TEX36: variants seen among roughly 807,000 people sequenced by gnomAD.
TEX36 encodes the protein testis expressed 36.
TEX36 carries 12 observed loss-of-function variants against 13.6 expected under a neutral mutation model. The ratio of observed to expected loss-of-function variants is 0.88; its 90% CI spans 0.56 to 1.43. The LOEUF (loss-of-function observed/expected upper bound fraction) is 1.43, where lower values mean the gene tolerates loss of function less well. Among genes scored for constraint, TEX36 ranks in the 40% most tolerant of loss-of-function variants. TEX36 has a pLI of 0.00. For synonymous variants in TEX36, 93 were observed against 83.0 expected, an observed-to-expected ratio of 1.12 and a Z score of -0.65; for missense variants, 224 against 228.3, an observed-to-expected ratio of 0.98 and a Z score of 0.12.
At chr10:125,587,495 A>T (rs999064817) in intron 3 of TEX36, among the ~76,000 whole-genome samples, 4 of 152,196 alleles carry the variant, frequency 2.6e-5, no homozygotes, top group African/African-American at 9.7e-5. Context: ...TACCTTAGAG[A>T]CACTTTATAC....
At chr10:125,669,498 T>A (rs1847186474) in intron 1 of TEX36, among the ~76,000 whole-genome samples, 1 of 151,474 alleles carries the variant, frequency 6.6e-6, no homozygotes, top group South Asian at 2.1e-4. Flanking sequence ...AAAAGAAAAA[T>A]TCCTCGGCTT....
intron 3 of TEX36, among the ~76,000 whole-genome samples, chr10:125,643,745 CA>C (rs771307242): frequency 0.02 from 2,472 of 126,688 alleles, 39 homozygotes; most frequent in African/African-American, 0.056. Context: ...GACTCTGTCT[CA>C]AAAAAAAAAA....
In TEX36 at chr10:125,682,951, C is replaced by T; in HGVS notation, c.39G>A (p.Lys13=). 1 of 1,551,774 alleles carries T rather than the reference C, an allele frequency of 6.4e-7. No individual in the cohort carries two copies. The highest frequency in any genetic ancestry group is 8.7e-7 in the Non-Finnish European group (1 of 1,147,008). Residue 13 remains lysine (K), a synonymous_variant, in exon 1 of 4, where the codon AAG becomes AAA. Coordinates refer to ENST00000368821, the MANE Select transcript of TEX36 (RefSeq NM_001128202.3). ...CCATCTTCCTTACCCATCTCCCATC[C>T]TTGTCTGAAGGTGGGTTGAAGCGTC... ...KGRRFNPPSD[K]DGRWFPHIGL...
intron 1 of TEX36, among the ~76,000 whole-genome samples, chr10:125,676,121 G>A (rs949062689): frequency 2.0e-5 from 3 of 152,230 alleles, no homozygotes; most frequent in African/African-American, 7.2e-5. Flanking sequence ...GTAAATGTCT[G>A]TTGGGTCCAT....
At chr10:125,655,087 T>TA (rs954583401), downstream of TEX36, among the ~76,000 whole-genome samples, 38 of 152,200 alleles carry the variant, frequency 2.5e-4, no homozygotes, top group African/African-American at 8.0e-4. Flanking sequence ...AGCGATTTTT[T>TA]AAAAAATCAG....
downstream of TEX36, among the ~76,000 whole-genome samples, chr10:125,651,679 T>C (rs1323768028): frequency 6.6e-6 from 1 of 152,148 alleles, no homozygotes; most frequent in Non-Finnish European, 1.5e-5. Flanking sequence ...ATAAAGGGTA[T>C]TCAATTAGGA....
chr10:125,585,329 C>T (rs1015461287), intron 3 of TEX36, among the ~76,000 whole-genome samples: 8 of 152,264 alleles, frequency 5.3e-5, no homozygotes, highest in African/African-American at 1.9e-4. Flanking sequence ...AGAGTCACCC[C>T]CAGAGGGAGT....
At chr10:125,619,261 G>A (rs1846398814), downstream of TEX36, among the ~76,000 whole-genome samples, 1 of 152,164 alleles carries the variant, frequency 6.6e-6, no homozygotes, top group Non-Finnish European at 1.5e-5. Context: ...CAGAAACAGA[G>A]CACTGAAGGC....
intron 3 of TEX36, among the ~76,000 whole-genome samples, chr10:125,587,159 T>C (rs1359161419): frequency 6.6e-6 from 1 of 152,154 alleles, no homozygotes; most frequent in East Asian, 1.9e-4. Context: ...CTTTTCTTCA[T>C]AAATTACCCA....
intron 3 of TEX36, among the ~76,000 whole-genome samples, chr10:125,624,850 A>G (rs1392225403): frequency 6.6e-6 from 1 of 152,142 alleles, no homozygotes; most frequent in Non-Finnish European, 1.5e-5. Flanking sequence ...ACAGCCACCT[A>G]AGAACAAGCC....
intron 3 of TEX36, among the ~76,000 whole-genome samples, chr10:125,660,154 C>G (rs1224090720): frequency 6.6e-6 from 1 of 152,134 alleles, no homozygotes; most frequent in Non-Finnish European, 1.5e-5. Flanking sequence ...GATAGGATCT[C>G]ACTCTGACAC....
intron 3 of TEX36, among the ~76,000 whole-genome samples, chr10:125,600,687 T>G (rs1565171200): frequency 6.6e-6 from 1 of 152,158 alleles, no homozygotes; most frequent in Non-Finnish European, 1.5e-5. Flanking sequence ...GCAATGGCCT[T>G]TGAGTTACAG....
At chr10:125,619,170 T>C (rs943278779), downstream of TEX36, among the ~76,000 whole-genome samples, 2 of 151,728 alleles carry the variant, frequency 1.3e-5, no homozygotes, top group African/African-American at 4.8e-5. Flanking sequence ...AAATAAAGCC[T>C]TGGAGAATAT....
At chr10:125,649,777 G>A (rs756205624) in intron 3 of TEX36, among the ~76,000 whole-genome samples, 4 of 152,090 alleles carry the variant, frequency 2.6e-5, no homozygotes. Context: ...ACATGCATAG[G>A]CTCAAAACAA....
At chr10:125,640,206 T>A in intron 3 of TEX36, 1 of 985,424 alleles carries the variant, frequency 1.0e-6, no homozygotes, top group South Asian at 4.7e-5. Flanking sequence ...AACATTCTGA[T>A]GCTAGCTCCT....
At chr10:125,617,056 T>C (rs1846369595), downstream of TEX36, among the ~76,000 whole-genome samples, 1 of 152,206 alleles carries the variant, frequency 6.6e-6, no homozygotes, top group Non-Finnish European at 1.5e-5. Context: ...TCTTTGTCTC[T>C]TTTGATCTTT....
At chr10:125,609,165 AAAAC>A in intron 3 of TEX36, among the ~76,000 whole-genome samples, 1 of 54,466 alleles carries the variant, frequency 1.8e-5, no homozygotes, top group African/African-American at 2.8e-4. Flanking sequence ...AGGAAAAAAC[AAAAC>A]AAAAAAAAAA....
chr10:125,626,411 T>C (rs1846491090), intron 3 of TEX36, among the ~76,000 whole-genome samples: 1 of 152,238 alleles, frequency 6.6e-6, no homozygotes, highest in South Asian at 2.1e-4. Context: ...ATGTGCCTGC[T>C]GTGGTGCTGT....
chr10:125,664,507 G>A (rs925396768), intron 1 of TEX36, among the ~76,000 whole-genome samples: 2 of 152,162 alleles, frequency 1.3e-5, no homozygotes, highest in African/African-American at 4.8e-5. Context: ...TGTCAGAAGA[G>A]GCGCCTGGTG....
Sources: allele counts gnomAD v4.1 joint callset (sites outside exome capture counted in the v4.1 genomes callset), GRCh38; gene constraint gnomAD v4.1.1; transcripts MANE v1.5; gene names NCBI Gene and HGNC (gene_info 2026-07-23, HGNC 2026-07-21).